Variants in ZFAND2A observed in about 807,000 individuals in gnomAD.
ZFAND2A encodes AN1-type zinc finger protein 2A.
Under a neutral mutation model 11.6 loss-of-function variants are expected in ZFAND2A, and 20 were observed. The observed-to-expected ratio is 1.72, with a 90% CI of 1.21 to 2.50. The LOEUF (loss-of-function observed/expected upper bound fraction) is 2.50. Ranked by LOEUF, ZFAND2A falls within the 30% of genes most tolerant of loss-of-function variation. The pLI is 0.00. For missense variants in ZFAND2A, 234 were observed against 182.9 expected (o/e 1.28, Z -1.61); for synonymous variants, 93 against 60.6 (o/e 1.54, Z -2.48).
At chr7:1,149,462 C>G (rs1232802479), downstream of ZFAND2A, among the ~76,000 whole-genome samples, 1 of 152,212 alleles carries the variant, frequency 6.6e-6, no homozygotes, top group African/African-American at 2.4e-5. Flanking sequence ...GTCCAGCACC[C>G]TCCCGTAAGG....
rs534067023 is a variant in ZFAND2A, at chr7:1,158,275, T to G, written c.-45-18A>C. On this transcript the variant is annotated intron_variant, in intron 1 of 4. Transcript: ENST00000316495. ...AGTGTCACCTACAAGAGAATCAGAA[T>G]AGTTAGGAGGAAAGCTGGACTGCCC... 6.7e-7 allele frequency: 1 copy of G among 1,500,986 alleles called. No individual in the cohort carries two copies. Among genetic ancestry groups the G allele is most frequent in the African/African-American group, 1.4e-5 (1 of 72,254 alleles). The allele number at this position is 1,500,986 out of a possible 1,614,324, so 93.0% of individuals were successfully genotyped here. A position where few individuals can be genotyped will look rare whatever the true frequency, so the allele number is the denominator to read the frequency against.
intron 1 of ZFAND2A, among the ~76,000 whole-genome samples, chr7:1,158,956 T>C (rs1361558779): frequency 6.6e-6 from 1 of 152,134 alleles, no homozygotes; most frequent in Non-Finnish European, 1.5e-5. Flanking sequence ...GGCCTTTTCC[T>C]GACCTTCCCA....
At chr7:1,150,675 A>G (rs1431947229), downstream of ZFAND2A, among the ~76,000 whole-genome samples, 1 of 152,034 alleles carries the variant, frequency 6.6e-6, no homozygotes, top group African/African-American at 2.4e-5. Flanking sequence ...CTGCTCTTCA[A>G]ACCTATAAAA....
Position 1,158,245 on chromosome 7 carries a change from A to C in ZFAND2A, c.-33T>G, listed in dbSNP as rs1793579564. 6.2e-7 allele frequency: 1 copy of C among 1,605,720 alleles called. No homozygotes were observed. The highest frequency in any genetic ancestry group is 8.5e-7 in the Non-Finnish European group (1 of 1,173,282). ...ACAGTGCTCAAAACGCAGATGGCGG[A>C]GTTAAGTGTCACCTACAAGAGAATC... On this transcript the variant is annotated 5_prime_UTR_variant, in exon 2 of 5. Transcript: ENST00000316495.
intron 1 of ZFAND2A, 45 bp from the exon 2 acceptor site, chr7:1,158,302 T>C: frequency 1.7e-6 from 2 of 1,174,840 alleles, no homozygotes; most frequent in Non-Finnish European, 2.5e-6. Context: ...GGACTGCCCT[T>C]CAGTCACCAG....
At chr7:1,155,698 G>T (rs79673567) in intron 3 of ZFAND2A, 114 bp from the exon 4 acceptor site, 1 of 1,379,304 alleles carries the variant, frequency 7.3e-7, no homozygotes, top group Non-Finnish European at 9.7e-7. Context: ...GACAAAAACC[G>T]GTCTCCCGAG....
At chr7:1,154,846 G>T (rs1440068151) in intron 4 of ZFAND2A, among the ~76,000 whole-genome samples, 2 of 152,188 alleles carry the variant, frequency 1.3e-5, no homozygotes, top group Admixed American at 6.5e-5. Flanking sequence ...TGAGCTGGGC[G>T]TGGTGGCTCA....
downstream of ZFAND2A, among the ~76,000 whole-genome samples, chr7:1,151,543 G>A (rs1793397904): frequency 6.6e-6 from 1 of 152,006 alleles, no homozygotes; most frequent in Non-Finnish European, 1.5e-5. Context: ...GCCCGGCCTA[G>A]TTTGTGTATT....
intron 3 of ZFAND2A, 142 bp downstream of exon 3, chr7:1,157,514 G>A (rs138446886): frequency 8.7e-5 from 67 of 766,590 alleles, no homozygotes; most frequent in Middle Eastern, 2.4e-4. Context: ...CACCTGAAAC[G>A]AGGCTAGTGG....
downstream of ZFAND2A, chr7:1,152,393 A>G (rs751740009): frequency 6.8e-5 from 101 of 1,481,158 alleles, no homozygotes; most frequent in Non-Finnish European, 8.4e-5. Context: ...GCTGACCGCA[A>G]GAACCCACAC....
At position 1,155,048 on chromosome 7, in the gene ZFAND2A, G is replaced by A. The variant is rs544124516; in HGVS notation, c.282+405C>T. 3.9e-4 allele frequency among the ~76,000 whole-genome samples: 59 copies of A among 152,320 alleles called. No homozygotes were observed. In the Middle Eastern group the frequency reaches 0.02, roughly 53 times the overall value. ...CAGGAGAATCGCTTTAACCCGGGAG[G>A]CAGAGGTTGCAATGAGCCGAGACGG... On this transcript the variant is annotated intron_variant, in intron 4 of 4. Transcript: ENST00000316495.
downstream of ZFAND2A, chr7:1,152,429 ACTGGC>A: frequency 7.0e-7 from 1 of 1,431,584 alleles, no homozygotes; most frequent in South Asian, 1.5e-5. Flanking sequence ...AGCAACTACC[ACTGGC>A]CTGGCCCAGG....
At chr7:1,154,392 C>G (rs1444349883) in intron 4 of ZFAND2A, among the ~76,000 whole-genome samples, 4 of 152,130 alleles carry the variant, frequency 2.6e-5, no homozygotes, top group African/African-American at 9.7e-5. Flanking sequence ...ACAGGGCGTG[C>G]CCACCAAAAG....
downstream of ZFAND2A, among the ~76,000 whole-genome samples, chr7:1,150,887 C>CTTTTTGTTTTTT (rs1449089156): frequency 7.8e-6 from 1 of 128,108 alleles, no homozygotes; most frequent in African/African-American, 3.1e-5. Context: ...ACAACTGTGC[C>CTTTTTGTTTTTT]TTTTTTTTTT....
chr7:1,154,442 T>G (rs984601707), intron 4 of ZFAND2A, among the ~76,000 whole-genome samples: 1 of 152,146 alleles, frequency 6.6e-6, no homozygotes, highest in Non-Finnish European at 1.5e-5. Flanking sequence ...GGGAGGGCAT[T>G]CCTGTGTGGG....
At chr7:1,153,548 C>A (rs571963387) in intron 4 of ZFAND2A, among the ~76,000 whole-genome samples, 62 of 150,808 alleles carry the variant, frequency 4.1e-4, no homozygotes, top group African/African-American at 1.5e-3. Flanking sequence ...GCCTTAAATT[C>A]TTTAACAGCC....
At chr7:1,156,099 CA>C (rs989060602) in intron 3 of ZFAND2A, among the ~76,000 whole-genome samples, 8 of 152,038 alleles carry the variant, frequency 5.3e-5, no homozygotes, top group African/African-American at 1.9e-4. Context: ...GTGAGGGCTC[CA>C]AAGGGGTGGA....
downstream of ZFAND2A, chr7:1,152,410 C>G: frequency 2.8e-6 from 4 of 1,453,372 alleles, no homozygotes; most frequent in Non-Finnish European, 3.7e-6. Flanking sequence ...ACACAGCTTC[C>G]TGCAGGTAAG....
intron 4 of ZFAND2A, among the ~76,000 whole-genome samples, chr7:1,154,000 T>C (rs936609198): frequency 2.2e-4 from 33 of 150,698 alleles, no homozygotes; most frequent in African/African-American, 7.1e-4. Flanking sequence ...CCCGTGAAGA[T>C]GGCCCGGAGG....
Sources: gnomAD v4.1 joint callset for allele counts (sites outside exome capture counted in the v4.1 genomes callset) on GRCh38, gnomAD v4.1.1 for gene constraint, MANE v1.5 for transcripts, NCBI Gene and HGNC (gene_info 2026-07-23, HGNC 2026-07-21) for gene names.